SERPINI1: variants seen among roughly 807,000 people sequenced by gnomAD.
SERPINI1 encodes serpin family I member 1, also known as neuroserpin.
In SERPINI1, 19 loss-of-function variants were observed where a neutral mutation model predicts 41.1. That is an observed-to-expected ratio of 0.46 (90% confidence interval 0.32 to 0.68). The LOEUF (loss-of-function observed/expected upper bound fraction) is 0.68, where lower values mean the gene tolerates loss of function less well. Ranked by LOEUF, SERPINI1 falls within the 30% of genes least tolerant of loss-of-function variation. The pLI is 0.03. For synonymous variants in SERPINI1, 138 were observed against 156.6 expected, an observed-to-expected ratio of 0.88 and a Z score of 0.89; for missense variants, 460 against 479.2, an observed-to-expected ratio of 0.96 and a Z score of 0.37.
intron 1 of SERPINI1, among the ~76,000 whole-genome samples, chr3:167,739,314 A>G (rs574010458): frequency 1.3e-5 from 2 of 152,288 alleles, no homozygotes; most frequent in African/African-American, 4.8e-5. Context: ...TGGACATTGG[A>G]CAATACTTCT....
At chr3:167,761,199 G>T (rs1021292794) in intron 1 of SERPINI1, among the ~76,000 whole-genome samples, 5 of 152,182 alleles carry the variant, frequency 3.3e-5, no homozygotes, top group African/African-American at 1.2e-4. Flanking sequence ...CCACTGGGTT[G>T]CAACAGCTTT....
At chr3:167,816,215 A>G (rs560485795) in intron 6 of SERPINI1, among the ~76,000 whole-genome samples, 23 of 151,886 alleles carry the variant, frequency 1.5e-4, no homozygotes, top group African/African-American at 5.6e-4. Flanking sequence ...AATTTTTTGT[A>G]CAGATGGGGT....
At chr3:167,776,470 C>G (rs560745014) in intron 1 of SERPINI1, among the ~76,000 whole-genome samples, 1 of 152,158 alleles carries the variant, frequency 6.6e-6, no homozygotes, top group South Asian at 2.1e-4. Flanking sequence ...CCAAATGGAG[C>G]CTCTTTATCA....
At chr3:167,795,063 C>T (rs1281880998) in intron 5 of SERPINI1, among the ~76,000 whole-genome samples, 1 of 152,196 alleles carries the variant, frequency 6.6e-6, no homozygotes, top group East Asian at 1.9e-4. Flanking sequence ...CACATGCTCA[C>T]TTATTGGTTC....
At chr3:167,823,779 T>C (rs1196746926) in intron 7 of SERPINI1, among the ~76,000 whole-genome samples, 2 of 152,180 alleles carry the variant, frequency 1.3e-5, no homozygotes, top group Non-Finnish European at 2.9e-5. Context: ...GGATAGTATT[T>C]TCCGAAGTAA....
chr3:167,801,475 GC>G (rs934382350), intron 5 of SERPINI1, among the ~76,000 whole-genome samples: 16 of 151,760 alleles, frequency 1.1e-4, no homozygotes, highest in African/African-American at 3.6e-4. Context: ...GATTAGTGAT[GC>G]GGGGGCTTTA....
chr3:167,780,679 A>G (rs1462307046), intron 1 of SERPINI1, among the ~76,000 whole-genome samples: 2 of 152,176 alleles, frequency 1.3e-5, no homozygotes, highest in African/African-American at 2.4e-5. Flanking sequence ...TCATTCCTTG[A>G]GTGATGAATG....
chr3:167,771,716 A>G (rs554365719), intron 1 of SERPINI1, among the ~76,000 whole-genome samples: 1 of 152,340 alleles, frequency 6.6e-6, no homozygotes, highest in Non-Finnish European at 1.5e-5. Flanking sequence ...CCTGTTGTAG[A>G]ATTATTTGGC....
In SERPINI1 at chr3:167,789,186, A is replaced by T. The variant is rs776621818; in HGVS notation, c.58A>T (p.Thr20Ser). The change falls in exon 2 of 9, where the codon ACT becomes TCT. Residue 20 changes from threonine to serine, a missense_variant. Transcript: ENST00000446050. Reference sequence around the variant, plus strand: ...TCTGCAAAGTATGGCTACAGGGGCCACTTTCCCTGAGGAAGCCATTGCTGA... The same window carrying T: ...TCTGCAAAGTATGGCTACAGGGGCCTCTTTCCCTGAGGAAGCCATTGCTGA... ...LVLQSMATGA[T>S]FPEEAIADLS... 1.9e-6 allele frequency: 3 copies of T among 1,614,122 alleles called. No homozygotes were observed. Among genetic ancestry groups the T allele is most frequent in the South Asian group, 2.2e-5 (2 of 91,082 alleles).
intron 6 of SERPINI1, among the ~76,000 whole-genome samples, chr3:167,817,879 G>A (rs970743857): frequency 5.9e-5 from 9 of 151,712 alleles, no homozygotes; most frequent in African/African-American, 1.9e-4. Flanking sequence ...GATTACAGGC[G>A]TGAGCCACCG....
intron 1 of SERPINI1, among the ~76,000 whole-genome samples, chr3:167,780,075 T>C (rs951560986): frequency 1.3e-5 from 2 of 152,080 alleles, no homozygotes; most frequent in Non-Finnish European, 2.9e-5. Context: ...AAGGAAAAAA[T>C]ATATACTTCT....
At chr3:167,748,223 C>G (rs1725926901) in intron 1 of SERPINI1, among the ~76,000 whole-genome samples, 1 of 151,632 alleles carries the variant, frequency 6.6e-6, no homozygotes, top group Non-Finnish European at 1.5e-5. Context: ...AAAAAAAAGT[C>G]AAACTATTTA....
chr3:167,760,993 G>A (rs938695659), intron 1 of SERPINI1, among the ~76,000 whole-genome samples: 11 of 152,282 alleles, frequency 7.2e-5, no homozygotes, highest in South Asian at 4.1e-4. Flanking sequence ...TAGTACAACA[G>A]CTGTTCCTTA....
intron 5 of SERPINI1, among the ~76,000 whole-genome samples, chr3:167,804,907 G>C (rs1345932068): frequency 6.6e-6 from 1 of 152,214 alleles, no homozygotes; most frequent in African/African-American, 2.4e-5. Flanking sequence ...AAGAAAGTTT[G>C]GTGATACAAT....
At chr3:167,760,854 G>A (rs1726356117) in intron 1 of SERPINI1, among the ~76,000 whole-genome samples, 1 of 152,096 alleles carries the variant, frequency 6.6e-6, no homozygotes, top group African/African-American at 2.4e-5. Context: ...ACAGTGTAAA[G>A]GCAAGTTCAG....
At chr3:167,798,833 A>G (rs1158303417) in intron 5 of SERPINI1, among the ~76,000 whole-genome samples, 1 of 152,134 alleles carries the variant, frequency 6.6e-6, no homozygotes, top group Non-Finnish European at 1.5e-5. Context: ...ACTGAGGATG[A>G]CTAGAGGAGG....
intron 1 of SERPINI1, among the ~76,000 whole-genome samples, chr3:167,764,182 C>A (rs991631942): frequency 6.6e-6 from 1 of 152,018 alleles, no homozygotes; most frequent in Non-Finnish European, 1.5e-5. Context: ...CTGCCACAGG[C>A]ACTGAGGACA....
At chr3:167,812,038 C>T (rs1455090985) in intron 6 of SERPINI1, among the ~76,000 whole-genome samples, 5 of 152,108 alleles carry the variant, frequency 3.3e-5, no homozygotes, top group Non-Finnish European at 7.3e-5. Context: ...TCTAGAAAAA[C>T]GGAGTGACTT....
intron 4 of SERPINI1, among the ~76,000 whole-genome samples, chr3:167,794,237 A>T (rs1727639981): frequency 1.3e-5 from 2 of 152,140 alleles, no homozygotes; most frequent in Admixed American, 6.6e-5. Context: ...TGTTATTATA[A>T]ATGTGAAATA....
Sources: allele counts gnomAD v4.1 joint callset (sites outside exome capture counted in the v4.1 genomes callset), GRCh38; gene constraint gnomAD v4.1.1; transcripts MANE v1.5; gene names NCBI Gene and HGNC (gene_info 2026-07-23, HGNC 2026-07-21).